KLF8: variants seen among roughly 807,000 people sequenced by gnomAD.
KLF8 encodes the protein Krueppel-like factor 8.
A neutral mutation model predicts 18.2 loss-of-function variants in KLF8; 10 were observed. The ratio of observed to expected loss-of-function variants is 0.55; its 90% confidence interval spans 0.34 to 0.93. The LOEUF (loss-of-function observed/expected upper bound fraction) is 0.93. Among genes scored for constraint, KLF8 ranks in the 40% least tolerant of loss-of-function variants. The pLI is 0.02. For synonymous variants in KLF8, 109 were observed against 97.3 expected (o/e 1.12, Z -0.71); for missense variants, 264 against 277.9 (o/e 0.95, Z 0.36).
At chrX:55,981,699 G>T in the KLF8 span, among the ~76,000 whole-genome samples, 1 of 111,838 alleles carries the variant, frequency 8.9e-6, no homozygotes, top group African/African-American at 3.3e-5. Context: ...CCTTCTTTGG[G>T]TGGAATCTTG....
chrX:56,185,103 G>A, the KLF8 span, among the ~76,000 whole-genome samples: 2 of 111,975 alleles, frequency 1.8e-5, no homozygotes, highest in African/African-American at 6.5e-5. Flanking sequence ...TCAAACCAAA[G>A]GCAAAGAAGT....
the KLF8 span, among the ~76,000 whole-genome samples, chrX:56,084,748 G>A: frequency 8.9e-6 from 1 of 112,234 alleles, no homozygotes; most frequent in African/African-American, 3.2e-5. Context: ...ATTCTCTGTA[G>A]TGAAATATTG....
chrX:55,957,516 C>A, the KLF8 span, among the ~76,000 whole-genome samples: 2 of 112,086 alleles, frequency 1.8e-5, no homozygotes, highest in African/African-American at 6.5e-5. Context: ...GTCTTCCAGT[C>A]TATGAACACA....
At chrX:56,028,955 C>G in the KLF8 span, among the ~76,000 whole-genome samples, 1 of 110,876 alleles carries the variant, frequency 9.0e-6, no homozygotes, top group Non-Finnish European at 1.9e-5. Flanking sequence ...GGCTTGGGGA[C>G]AGGTAGGAGG....
chrX:56,126,558 C>T, the KLF8 span, among the ~76,000 whole-genome samples: 2 of 110,524 alleles, frequency 1.8e-5, no homozygotes, highest in African/African-American at 3.3e-5. Context: ...AAGTGCTATA[C>T]CTGACATAAA....
chrX:55,971,260 T>A, the KLF8 span, among the ~76,000 whole-genome samples: 1 of 111,097 alleles, frequency 9.0e-6, no homozygotes. Context: ...AATAAATTAA[T>A]GCATTTACAG....
At chrX:56,213,279 G>C in the KLF8 span, among the ~76,000 whole-genome samples, 128 of 40,808 alleles carry the variant, frequency 3.1e-3, 3 homozygotes, top group African/African-American at 0.014. Context: ...TTTTTCTTTT[G>C]TTTTCTTTTC....
the KLF8 span, among the ~76,000 whole-genome samples, chrX:56,091,268 C>T: frequency 1.8e-5 from 2 of 110,762 alleles, no homozygotes; most frequent in Non-Finnish European, 1.9e-5. Context: ...TCCCCCATCA[C>T]TTGTTTTCTC....
chrX:55,981,386 A>G, the KLF8 span, among the ~76,000 whole-genome samples: 2 of 111,786 alleles, frequency 1.8e-5, no homozygotes, highest in South Asian at 7.5e-4. Flanking sequence ...ATACATATTC[A>G]CATGCCACTG....
At chrX:56,186,978 C>A in the KLF8 span, among the ~76,000 whole-genome samples, 1 of 111,091 alleles carries the variant, frequency 9.0e-6, no homozygotes, top group East Asian at 2.8e-4. Flanking sequence ...AGAGAAGCAA[C>A]AGCAAACACA....
chrX:56,009,282 A>G, the KLF8 span, among the ~76,000 whole-genome samples: 1 of 110,971 alleles, frequency 9.0e-6, no homozygotes, highest in Non-Finnish European at 1.9e-5. Context: ...CACTGATGAC[A>G]CCTCCAGGTG....
At chrX:56,036,744 C>T in the KLF8 span, among the ~76,000 whole-genome samples, 45 of 111,370 alleles carry the variant, frequency 4.0e-4, no homozygotes, top group African/African-American at 1.3e-3. Flanking sequence ...ATAGGAGTTG[C>T]ATTTAATTTG....
the KLF8 span, among the ~76,000 whole-genome samples, chrX:56,137,184 G>A: frequency 9.1e-6 from 1 of 109,709 alleles, no homozygotes; most frequent in Non-Finnish European, 1.9e-5. Flanking sequence ...AACCATTGTG[G>A]AAGTCAGTGT....
At chrX:56,007,375 C>T in the KLF8 span, among the ~76,000 whole-genome samples, 1 of 111,156 alleles carries the variant, frequency 9.0e-6, no homozygotes, top group Non-Finnish European at 1.9e-5. Context: ...CCAGCACACA[C>T]TCCTCTGGAA....
the KLF8 span, among the ~76,000 whole-genome samples, chrX:56,076,156 A>C: frequency 9.4e-6 from 1 of 106,892 alleles, no homozygotes; most frequent in Non-Finnish European, 1.9e-5. Context: ...TTTTTTTATT[A>C]TACTTGAAGT....
the KLF8 span, among the ~76,000 whole-genome samples, chrX:56,008,102 T>C: frequency 9.4e-6 from 1 of 106,133 alleles, no homozygotes; most frequent in Non-Finnish European, 1.9e-5. Flanking sequence ...ATAACTGGAA[T>C]TTTATTAGTG....
chrX:55,938,719 G>T, the KLF8 span, among the ~76,000 whole-genome samples: 1 of 111,069 alleles, frequency 9.0e-6, no homozygotes, highest in Admixed American at 9.6e-5. Flanking sequence ...GACAGGGGTT[G>T]CAATCCTAGT....
the KLF8 span, among the ~76,000 whole-genome samples, chrX:56,095,501 G>C: frequency 9.1e-6 from 1 of 110,174 alleles, no homozygotes; most frequent in Non-Finnish European, 1.9e-5. Flanking sequence ...CAAAAAAAAA[G>C]CTAGAGTAAA....
chrX:56,133,147 C>A, the KLF8 span, among the ~76,000 whole-genome samples: 1 of 111,533 alleles, frequency 9.0e-6, no homozygotes, highest in African/African-American at 3.3e-5. Context: ...AAGAGCAAAT[C>A]CTCCCTAAAT....
Sources: gnomAD v4.1 joint callset for allele counts (sites outside exome capture counted in the v4.1 genomes callset) on GRCh38, gnomAD v4.1.1 for gene constraint, MANE v1.5 for transcripts, NCBI Gene and HGNC (gene_info 2026-07-23, HGNC 2026-07-21) for gene names.